The following TRIML2 variants were observed in gnomAD, a reference collection of about 807,000 sequenced individuals.
The protein encoded by TRIML2 is tripartite motif family like 2, also known as probable E3 ubiquitin-protein ligase TRIML2.
In TRIML2, 28 loss-of-function variants were observed where a neutral mutation model predicts 31.2. The observed-to-expected ratio is 0.90, with a 90% confidence interval of 0.66 to 1.23. TRIML2 has a LOEUF of 1.23. TRIML2 is among the 50% of genes most tolerant of loss of function. The pLI, the probability that TRIML2 is intolerant of heterozygous loss-of-function variation, is 0.00. For synonymous variants in TRIML2, 187 were observed against 197.5 expected, an observed-to-expected ratio of 0.95 and a Z score of 0.45; for missense variants, 536 against 528.3, an observed-to-expected ratio of 1.01 and a Z score of -0.14.
chr4:188,092,388 G>T (rs911724319), intron 7 of TRIML2, among the ~76,000 whole-genome samples: 12 of 151,340 alleles, frequency 7.9e-5, no homozygotes, highest in African/African-American at 2.9e-4. Flanking sequence ...TTGAACCCAG[G>T]AGGCGGAGAT....
intron 3 of TRIML2, 102 bp from the exon 4 acceptor site, chr4:188,101,352 T>G (rs531392347): frequency 6.3e-5 from 39 of 620,742 alleles, no homozygotes; most frequent in Middle Eastern, 4.6e-4. Flanking sequence ...TATAGATATA[T>G]ATATCTTACA....
At chr4:188,108,348 C>CTCA (rs1476684978) in intron 1 of TRIML2, among the ~76,000 whole-genome samples, 1 of 152,224 alleles carries the variant, frequency 6.6e-6, no homozygotes, top group Non-Finnish European at 1.5e-5. Flanking sequence ...CGCTCAGGAT[C>CTCA]TCAACCCAGT....
At chr4:188,096,376 CA>C (rs1302223306) in intron 7 of TRIML2, among the ~76,000 whole-genome samples, 2 of 151,258 alleles carry the variant, frequency 1.3e-5, no homozygotes, top group African/African-American at 4.9e-5. Flanking sequence ...CTCTACTATA[CA>C]AAAAATTAGC....
chr4:188,106,853 T>A, intron 1 of TRIML2: 1 of 260,934 alleles, frequency 3.8e-6, no homozygotes, highest in Non-Finnish European at 7.9e-6. Context: ...GAGCCGCGGG[T>A]GCGGTACCAC....
At chr4:188,097,214 C>T in intron 6 of TRIML2, 53 bp from the exon 7 acceptor site, 2 of 1,593,618 alleles carry the variant, frequency 1.3e-6, no homozygotes, top group Admixed American at 1.7e-5. Context: ...GCCCCTTAGT[C>T]TACTGGATGG....
At chr4:188,108,426 T>C (rs1486253431) in intron 1 of TRIML2, among the ~76,000 whole-genome samples, 1 of 152,194 alleles carries the variant, frequency 6.6e-6, no homozygotes, top group Non-Finnish European at 1.5e-5. Flanking sequence ...AATTCAACTA[T>C]TGTTTTCCAA....
rs1461653255 is a variant in TRIML2, at chr4:188,098,884, T to C, written c.621+151A>G. The C allele has an allele frequency of 7.0e-6, 6 of 857,414 alleles. No homozygotes were observed. The East Asian group carries it at 1.4e-4, about 19-fold the overall frequency. The allele number at this position is 857,414 out of a possible 1,614,324, so 53.1% of individuals were successfully genotyped here. ...ACAAAGCTATGACCATTCCTAAAGC[T>C]TTTGGCAGCTGAAAGAAAGTCATGT... On this transcript the variant is annotated intron_variant, in intron 5 of 7. Transcript: ENST00000682553.
chr4:188,098,714 C>A, intron 5 of TRIML2: 1 of 259,148 alleles, frequency 3.9e-6, no homozygotes, highest in Non-Finnish European at 7.4e-6. Flanking sequence ...ACTGTTAGTG[C>A]CTATAGAGCT....
intron 7 of TRIML2, chr4:188,092,637 C>T: frequency 2.8e-6 from 1 of 361,772 alleles, no homozygotes; most frequent in Non-Finnish European, 5.5e-6. Flanking sequence ...CGTGGCCCTC[C>T]CGATGCCGTA....
At chr4:188,091,981 C>A in intron 7 of TRIML2, 40 bp from the exon 8 acceptor site, 2 of 1,553,690 alleles carry the variant, frequency 1.3e-6, no homozygotes, top group Non-Finnish European at 8.7e-7. Context: ...AGGAGTTCAC[C>A]AATGCCAATG....
In TRIML2 at chr4:188,101,277, C is replaced by T. The variant is rs916032961; in HGVS notation, c.286-27G>A. On this transcript the variant is annotated intron_variant, in intron 3 of 7. Transcript: ENST00000682553. ...TTCCTCATATAGACATGATAGACTT[C>T]AGGTTAAACATGATAGATTAACAAC... is the stretch of plus-strand genomic sequence containing the variant. The T allele has an allele frequency of 3.3e-6, 5 of 1,503,208 alleles. No homozygotes were observed. The African/African-American group carries it at 6.9e-5, about 21-fold the overall frequency. The allele number at this position is 1,503,208 out of a possible 1,614,324, so 93.1% of individuals were successfully genotyped here.
chr4:188,098,066 G>A (rs921519021), intron 5 of TRIML2: 12 of 247,178 alleles, frequency 4.9e-5, no homozygotes, highest in Admixed American at 5.0e-5. Context: ...AGGTTACAGT[G>A]AGCCGAAATT....
intron 7 of TRIML2, among the ~76,000 whole-genome samples, chr4:188,093,691 A>T (rs1381460783): frequency 6.6e-6 from 1 of 152,170 alleles, no homozygotes; most frequent in African/African-American, 2.4e-5. Flanking sequence ...TTGAAGAAAC[A>T]ACAGGAGTAT....
At position 188,104,878 on chromosome 4, in the gene TRIML2, T is replaced by C; in HGVS notation, c.244A>G (p.Ser82Gly). The change falls in exon 3 of 8, where the codon AGC becomes GGC. Residue 82 changes from serine (S) to glycine (G), a missense_variant. Transcript: ENST00000682553. ...TSREKLEAAK[S>G]ILTDEQERMA... ...CTTTCTTGCTCATCAGTCAATATGC[T>C]TTTAGCTGCTTCAAGTTTCTCCCTC... 6.2e-7 allele frequency: 1 copy of C among 1,614,070 alleles called. No homozygotes were observed.
chr4:188,100,444 C>G (rs1366035640), intron 4 of TRIML2, among the ~76,000 whole-genome samples: 1 of 152,126 alleles, frequency 6.6e-6, no homozygotes, highest in African/African-American at 2.4e-5. Context: ...AATTCTAGGC[C>G]GGGCGCGGTG....
intron 7 of TRIML2, among the ~76,000 whole-genome samples, chr4:188,096,698 C>T (rs951071493): frequency 6.0e-5 from 9 of 151,220 alleles, no homozygotes; most frequent in Non-Finnish European, 1.0e-4. Context: ...ATTCTGTTGC[C>T]CAGGCTGGGG....
Position 188,099,177 on chromosome 4 carries a change from T to C in TRIML2, c.481-2A>G, listed in dbSNP as rs2111170765. 6.3e-7 allele frequency: 1 copy of C among 1,595,146 alleles called. No individual in the cohort carries two copies. The highest frequency in any genetic ancestry group is 8.5e-7 in the Non-Finnish European group (1 of 1,172,926). Reference sequence around the variant, plus strand: ...CTCTCTCCCCACACGGCCCAGTCTCTGCAGAAGCATTTCTTCGTTACTATT... The same window carrying C: ...CTCTCTCCCCACACGGCCCAGTCTCCGCAGAAGCATTTCTTCGTTACTATT... On this transcript the variant is annotated splice_acceptor_variant, in intron 4 of 7. Coordinates refer to ENST00000682553, the MANE Select transcript of TRIML2 (RefSeq NM_173553.4). LOFTEE classifies it high-confidence loss of function.
intron 3 of TRIML2, among the ~76,000 whole-genome samples, chr4:188,103,112 A>C (rs1258982580): frequency 7.0e-6 from 1 of 142,396 alleles, no homozygotes; most frequent in African/African-American, 2.6e-5. Context: ...TCCAAAGTTC[A>C]TGCCATTCTC....
Position 188,101,304 on chromosome 4 carries a change from C to T in TRIML2, c.286-54G>A. 7 of 1,095,552 alleles carry T rather than the reference C, an allele frequency of 6.4e-6. No homozygotes were observed. In the South Asian group the frequency reaches 9.9e-5, roughly 15 times the overall value. The allele number at this position is 1,095,552 out of a possible 1,614,324, so 67.9% of individuals were successfully genotyped here. A position where few individuals can be genotyped will look rare whatever the true frequency, so the allele number is the denominator to read the frequency against. ...GGTTAAACATGATAGATTAACAACA[C>T]ACACACACGTCATAATAGATAGATA... On this transcript the variant is annotated intron_variant, in intron 3 of 7. Transcript: ENST00000682553.
Sources: gnomAD v4.1 joint callset for allele counts (sites outside exome capture counted in the v4.1 genomes callset) on GRCh38, gnomAD v4.1.1 for gene constraint, MANE v1.5 for transcripts, NCBI Gene and HGNC (gene_info 2026-07-23, HGNC 2026-07-21) for gene names.